TMEM132D: variants seen among roughly 807,000 people sequenced by gnomAD.
The protein encoded by TMEM132D is transmembrane protein 132D.
TMEM132D carries 21 observed loss-of-function variants against 62.3 expected under a neutral mutation model. The observed-to-expected ratio is 0.34, with a 90% confidence interval of 0.24 to 0.49. The LOEUF (loss-of-function observed/expected upper bound fraction) is 0.49. Ranked by LOEUF, TMEM132D falls within the 20% of genes least tolerant of loss-of-function variation. The pLI, the probability that TMEM132D is intolerant of heterozygous loss-of-function variation, is 0.99. For synonymous variants in TMEM132D, 621 were observed against 575.6 expected (o/e 1.08, Z -1.13); for missense variants, 1,346 against 1,402.8 (o/e 0.96, Z 0.65).
chr12:129,865,382 CT>C (rs1874026960), intron 1 of TMEM132D, among the ~76,000 whole-genome samples: 1 of 152,020 alleles, frequency 6.6e-6, no homozygotes, highest in Admixed American at 6.6e-5. Context: ...AAACACAATC[CT>C]ACTACTATGG....
chr12:129,813,036 G>A (rs189239620), intron 1 of TMEM132D, among the ~76,000 whole-genome samples: 46 of 151,862 alleles, frequency 3.0e-4, no homozygotes, highest in Admixed American at 5.2e-4. Flanking sequence ...TTTCCGTCTC[G>A]GCGCAGAACA....
At chr12:129,384,972 C>T (rs1439265103) in intron 3 of TMEM132D, among the ~76,000 whole-genome samples, 3 of 152,008 alleles carry the variant, frequency 2.0e-5, no homozygotes, top group African/African-American at 4.8e-5. Context: ...TGTTTACTCA[C>T]GCAGTCTGAA....
chr12:129,114,312 A>G (rs377695761), intron 5 of TMEM132D, among the ~76,000 whole-genome samples: 2 of 152,060 alleles, frequency 1.3e-5, no homozygotes, highest in Non-Finnish European at 2.9e-5. Flanking sequence ...TAAACATTCT[A>G]TAATGCACAG....
At chr12:129,433,729 G>A (rs993479994) in intron 3 of TMEM132D, among the ~76,000 whole-genome samples, 11 of 152,260 alleles carry the variant, frequency 7.2e-5, no homozygotes, top group African/African-American at 2.2e-4. Flanking sequence ...AGGCCAGAGC[G>A]TGGCTGCCAG....
intron 5 of TMEM132D, among the ~76,000 whole-genome samples, chr12:129,160,828 T>C (rs1276452533): frequency 6.6e-6 from 1 of 152,176 alleles, no homozygotes; most frequent in Admixed American, 6.5e-5. Context: ...ACAGGAGTGG[T>C]CAAAGGTGAC....
chr12:129,122,119 T>A (rs1876084313), intron 5 of TMEM132D, among the ~76,000 whole-genome samples: 1 of 152,238 alleles, frequency 6.6e-6, no homozygotes, highest in Non-Finnish European at 1.5e-5. Flanking sequence ...TGACTCCATG[T>A]GGCTGTCCCT....
intron 3 of TMEM132D, among the ~76,000 whole-genome samples, chr12:129,367,520 G>A (rs1870454705): frequency 6.6e-6 from 1 of 152,136 alleles, no homozygotes; most frequent in Non-Finnish European, 1.5e-5. Context: ...AGAGTCCCAT[G>A]GGGAATACGA....
At chr12:129,453,902 T>A (rs1186647466) in intron 3 of TMEM132D, among the ~76,000 whole-genome samples, 3 of 152,210 alleles carry the variant, frequency 2.0e-5, no homozygotes, top group Non-Finnish European at 4.4e-5. Flanking sequence ...TGCTCTCACA[T>A]CTGCCCTAAA....
chr12:129,335,586 T>C (rs931209700), intron 4 of TMEM132D, among the ~76,000 whole-genome samples: 1 of 152,190 alleles, frequency 6.6e-6, no homozygotes, highest in African/African-American at 2.4e-5. Flanking sequence ...TGTTATGTTA[T>C]TCTTTTTCCT....
At chr12:129,783,078 C>G (rs180719443) in intron 1 of TMEM132D, among the ~76,000 whole-genome samples, 2 of 152,338 alleles carry the variant, frequency 1.3e-5, no homozygotes, top group African/African-American at 4.8e-5. Flanking sequence ...ATCATAACAT[C>G]ATTCTGCTTC....
chr12:129,684,940 C>T (rs914041297), intron 2 of TMEM132D, among the ~76,000 whole-genome samples: 1 of 152,062 alleles, frequency 6.6e-6, no homozygotes, highest in Non-Finnish European at 1.5e-5. Context: ...TTTAGGGTAT[C>T]TGGAAGAAGA....
intron 4 of TMEM132D, among the ~76,000 whole-genome samples, chr12:129,241,011 G>C (rs1017387814): frequency 6.6e-6 from 1 of 151,780 alleles, no homozygotes; most frequent in Non-Finnish European, 1.5e-5. Flanking sequence ...CCTCATTCAT[G>C]CTGCCATTTT....
Position 129,662,573 on chromosome 12 carries a change from T to C in TMEM132D, c.968+37237A>G, listed in dbSNP as rs191345296. Among the ~76,000 whole-genome samples the C allele has an allele frequency of 1.6e-4, 25 of 152,232 alleles. No individual in the cohort carries two copies. In the East Asian group the frequency reaches 4.5e-3, roughly 27 times the overall value. Reference sequence around the variant, plus strand: ...ACTTTGGGAGGCCAAGGCAGGCGGATCACGAGGTCAAGAGATCAAGACCAT... The same window carrying C: ...ACTTTGGGAGGCCAAGGCAGGCGGACCACGAGGTCAAGAGATCAAGACCAT... On this transcript the variant is annotated intron_variant, in intron 2 of 8. Coordinates refer to ENST00000422113, the MANE Select transcript of TMEM132D (RefSeq NM_133448.3).
chr12:129,255,753 A>G (rs560030554), intron 4 of TMEM132D, among the ~76,000 whole-genome samples: 6 of 152,340 alleles, frequency 3.9e-5, no homozygotes, highest in African/African-American at 1.4e-4. Context: ...CAGCTACAGC[A>G]TTTCCAGATT....
At chr12:129,790,374 G>A (rs539246426) in intron 1 of TMEM132D, among the ~76,000 whole-genome samples, 138 of 152,280 alleles carry the variant, frequency 9.1e-4, no homozygotes, top group Non-Finnish European at 1.9e-3. Flanking sequence ...TGAACAAATT[G>A]GAGATGGTAA....
chr12:129,437,920 T>A (rs796388305), intron 3 of TMEM132D, among the ~76,000 whole-genome samples: 1 of 137,516 alleles, frequency 7.3e-6, no homozygotes, highest in Non-Finnish European at 1.5e-5. Context: ...CCCCAGTATG[T>A]GATGTTCCCC....
chr12:129,599,507 G>T (rs2137141454), intron 2 of TMEM132D, among the ~76,000 whole-genome samples: 1 of 152,210 alleles, frequency 6.6e-6, no homozygotes. Context: ...ATTTATAATT[G>T]CTTTGAAGCT....
intron 1 of TMEM132D, among the ~76,000 whole-genome samples, chr12:129,755,900 G>A (rs1424967001): frequency 6.6e-6 from 1 of 152,074 alleles, no homozygotes; most frequent in Admixed American, 6.5e-5. Flanking sequence ...CAACACACGT[G>A]GGGAAAATTC....
At chr12:129,228,153 C>T (rs1279494859) in intron 4 of TMEM132D, among the ~76,000 whole-genome samples, 3 of 150,446 alleles carry the variant, frequency 2.0e-5, no homozygotes, top group Non-Finnish European at 3.0e-5. Context: ...TGGAGAACTG[C>T]CATTGACCTA....
Sources: gnomAD v4.1 joint callset for allele counts (sites outside exome capture counted in the v4.1 genomes callset) on GRCh38, gnomAD v4.1.1 for gene constraint, MANE v1.5 for transcripts, NCBI Gene and HGNC (gene_info 2026-07-23, HGNC 2026-07-21) for gene names.